The following SLC11A2 variants were observed in gnomAD, a reference collection of about 807,000 sequenced individuals.
SLC11A2 encodes solute carrier family 11 member 2, also known as natural resistance-associated macrophage protein 2.
Under a neutral mutation model 68.0 loss-of-function variants are expected in SLC11A2, and 38 were observed. The observed-to-expected ratio is 0.56, with a 90% CI of 0.43 to 0.73. The LOEUF (loss-of-function observed/expected upper bound fraction) is 0.73. Ranked by LOEUF, SLC11A2 falls within the 30% of genes least tolerant of loss-of-function variation. The pLI is 0.00. For synonymous variants in SLC11A2, 242 were observed against 250.6 expected, an observed-to-expected ratio of 0.97 and a Z score of 0.32; for missense variants, 517 against 690.5, an observed-to-expected ratio of 0.75 and a Z score of 2.82.
At position 50,992,887 on chromosome 12, in the gene SLC11A2, T is replaced by C. The variant is rs1424852559; in HGVS notation, c.1120A>G (p.Ile374Val). ...GCYFGPAALY[I>V]WAVGILAAGQ... ...GCAGCCAGGATCCCCACTGCCCAAA[T>C]GTAGAGTGCAGCAGGCCCAAAGTAA... is the stretch of plus-strand genomic sequence containing the variant. The change falls in exon 12 of 16, where the codon ATT (isoleucine) becomes GTT (valine). Residue 374 changes from isoleucine to valine, a missense_variant. Ile to Val is a conservative substitution (Grantham distance 29). Coordinates refer to ENST00000262052, the MANE Select transcript of SLC11A2 (RefSeq NM_000617.3). 2 of 1,613,900 alleles carry C rather than the reference T, an allele frequency of 1.2e-6. No homozygotes were observed. Among genetic ancestry groups the C allele is most frequent in the South Asian group, 1.1e-5 (1 of 91,062 alleles).
chr12:51,006,684 C>T (rs187934949), intron 3 of SLC11A2, among the ~76,000 whole-genome samples: 130 of 152,306 alleles, frequency 8.5e-4, no homozygotes, highest in African/African-American at 3.0e-3. Flanking sequence ...TTGGTCTTCA[C>T]AACCCCTCAT....
At position 51,026,219 on chromosome 12, in the gene SLC11A2, C is replaced by G. The variant is rs1041583596; in HGVS notation, c.-39+91G>C. Reference sequence around the variant, plus strand: ...CCGGTGTCGCATCCTAGCCCCGGAGCCTGACCCCCGACACAGGCCCTCGAG... The same window carrying G: ...CCGGTGTCGCATCCTAGCCCCGGAGGCTGACCCCCGACACAGGCCCTCGAG... On this transcript the variant is annotated intron_variant, in intron 1 of 15. Coordinates refer to ENST00000262052, the MANE Select transcript of SLC11A2 (RefSeq NM_000617.3). 600 of 1,216,758 alleles carry G rather than the reference C, an allele frequency of 4.9e-4. 5 individuals are homozygous for G. Among genetic ancestry groups the G allele is most frequent in the Admixed American group, 1.8e-4 (6 of 33,674 alleles). The allele number at this position is 1,216,758 out of a possible 1,614,324, so 75.4% of individuals were successfully genotyped here.
chr12:51,008,233 GAT>G, intron 3 of SLC11A2: 3 of 344,876 alleles, frequency 8.7e-6, no homozygotes, highest in East Asian at 5.7e-5. Flanking sequence ...CAGATAGATA[GAT>G]AGATAGATAG....
rs181714386 is a variant in SLC11A2 at position 51,014,809 on chromosome 12, T to C, written c.-38-4043A>G. 2.2e-4 allele frequency among the ~76,000 whole-genome samples: 33 copies of C among 151,972 alleles called. 1 individual carries two copies. Among genetic ancestry groups the C allele is most frequent in the Admixed American group, 2.2e-3 (33 of 15,246 alleles). ...TAGAGGTTGCAGTGAGCCGAGATCA[T>C]GCCACTGAACTCCAGCCTGGGCGAC... On this transcript the variant is annotated intron_variant, in intron 1 of 15. Coordinates refer to ENST00000262052, the MANE Select transcript of SLC11A2 (RefSeq NM_000617.3).
chr12:51,016,089 A>G (rs1424698600), intron 1 of SLC11A2, among the ~76,000 whole-genome samples: 1 of 151,852 alleles, frequency 6.6e-6, no homozygotes, highest in African/African-American at 2.4e-5. Context: ...AGCCTATTTT[A>G]TCCCATTCTC....
Position 50,986,121 on chromosome 12 carries a change from T to C in SLC11A2, c.*2204A>G. 7.8e-7 allele frequency: 1 copy of C among 1,286,598 alleles called. No individual in the cohort carries two copies. Among genetic ancestry groups the C allele is most frequent in the Non-Finnish European group, 1.0e-6 (1 of 988,158 alleles). The allele number at this position is 1,286,598 out of a possible 1,614,324, so 79.7% of individuals were successfully genotyped here. A position where few individuals can be genotyped will look rare whatever the true frequency, so the allele number is the denominator to read the frequency against. The stretch of plus-strand genomic sequence containing the variant: ...AAGGGAGCCAAGAGCTCTTCCCTTT[T>C]CCCCTGTTAATTTCCAGTATAATGT... On this transcript the variant is annotated 3_prime_UTR_variant, in exon 16 of 16. Transcript: ENST00000262052.
At chr12:50,954,583 G>A in the SLC11A2 span, among the ~76,000 whole-genome samples, 3 of 151,950 alleles carry the variant, frequency 2.0e-5, no homozygotes, top group Non-Finnish European at 2.9e-5. Flanking sequence ...CTTCTAGGCC[G>A]GGCACGGTGG....
intron 5 of SLC11A2, among the ~76,000 whole-genome samples, chr12:51,002,367 A>C (rs1414625030): frequency 6.6e-6 from 1 of 152,068 alleles, no homozygotes; most frequent in Admixed American, 6.6e-5. Flanking sequence ...GGCCAGGCAC[A>C]GTATCTCACA....
At chr12:51,000,458 T>A (rs752663034) in intron 5 of SLC11A2, 39 bp from the exon 6 acceptor site, 1 of 1,496,016 alleles carries the variant, frequency 6.7e-7, no homozygotes, top group South Asian at 1.1e-5. Context: ...TTCTGATTAA[T>A]CATTTCTAAA....
Position 51,008,573 on chromosome 12 carries a change from G to A in SLC11A2, c.86C>T (p.Pro29Leu). ...TGAAAGAGAGGGATTACTATAGGCA[G>A]GGTTGATGTTACCAAGACTGGCAGA... ...GESASLGNIN[P>L]AYSNPSLSQS... Residue 29 changes from proline (P) to leucine (L), a missense_variant, in exon 3 of 16, where the codon CCT (proline) becomes CTT (leucine). Pro to Leu is a moderately conservative substitution (Grantham distance 98). Coordinates refer to ENST00000262052, the MANE Select transcript of SLC11A2 (RefSeq NM_000617.3). 1 of 1,612,314 alleles carries A rather than the reference G, an allele frequency of 6.2e-7. No homozygotes were observed. Among genetic ancestry groups the A allele is most frequent in the Non-Finnish European group, 8.5e-7 (1 of 1,178,446 alleles).
intron 15 of SLC11A2, 92 bp downstream of exon 15, chr12:50,990,703 C>T: frequency 7.3e-7 from 1 of 1,361,806 alleles, no homozygotes; most frequent in Non-Finnish European, 1.0e-6. Flanking sequence ...AGCCACTGTG[C>T]CCAGCCTGGG....
At chr12:50,957,062 T>C in the SLC11A2 span, among the ~76,000 whole-genome samples, 1 of 152,020 alleles carries the variant, frequency 6.6e-6, no homozygotes, top group African/African-American at 2.4e-5. Flanking sequence ...GTGTATAAAA[T>C]ATACATGTAA....
the SLC11A2 span, among the ~76,000 whole-genome samples, chr12:50,958,847 T>G: frequency 6.6e-6 from 1 of 151,266 alleles, no homozygotes; most frequent in Non-Finnish European, 1.5e-5. Context: ...CGAGACATCA[T>G]CTCTACTAAA....
intron 11 of SLC11A2, among the ~76,000 whole-genome samples, chr12:50,993,566 C>T (rs1421688279): frequency 6.6e-6 from 1 of 151,308 alleles, no homozygotes; most frequent in East Asian, 2.0e-4. Context: ...TGGCTCACAC[C>T]TGTAATCCCA....
downstream of SLC11A2, among the ~76,000 whole-genome samples, chr12:50,978,871 A>G (rs1215651869): frequency 6.6e-6 from 1 of 152,162 alleles, no homozygotes; most frequent in East Asian, 1.9e-4. Flanking sequence ...TACTAAAACC[A>G]CTGCCTCTGT....
At chr12:50,968,547 C>A in the SLC11A2 span, among the ~76,000 whole-genome samples, 1 of 151,678 alleles carries the variant, frequency 6.6e-6, no homozygotes, top group Non-Finnish European at 1.5e-5. Context: ...CCACCATGCC[C>A]AGCTAATTTT....
intron 10 of SLC11A2, chr12:50,994,954 T>A (rs1011370727): frequency 4.6e-5 from 16 of 347,504 alleles, no homozygotes; most frequent in Non-Finnish European, 5.5e-5. Context: ...CAGAATAGAA[T>A]CCTCAGTCAA....
chr12:50,992,535 T>C (rs1592324738), intron 12 of SLC11A2, among the ~76,000 whole-genome samples, 196 bp from the exon 13 acceptor site: 1 of 151,702 alleles, frequency 6.6e-6, no homozygotes, highest in South Asian at 2.1e-4. Context: ...GTTCAAGACC[T>C]GCCTGGCCAA....
In SLC11A2 at chr12:50,987,467, G is replaced by C; in HGVS notation, c.*858C>G. 14 of 1,287,158 alleles carry C rather than the reference G, an allele frequency of 1.1e-5. No individual in the cohort carries two copies. The highest frequency in any genetic ancestry group is 1.4e-5 in the Non-Finnish European group (14 of 988,674). The allele number at this position is 1,287,158 out of a possible 1,614,324, so 79.7% of individuals were successfully genotyped here. On this transcript the variant is annotated 3_prime_UTR_variant, in exon 16 of 16. Transcript: ENST00000262052. The stretch of plus-strand genomic sequence containing the variant: ...CCCTCAACATTTCACGAGAACATCA[G>C]TTCATAAATACTACCATCTGTTTCT...
Sources: allele counts gnomAD v4.1 joint callset (sites outside exome capture counted in the v4.1 genomes callset), GRCh38; gene constraint gnomAD v4.1.1; transcripts MANE v1.5; gene names NCBI Gene and HGNC (gene_info 2026-07-23, HGNC 2026-07-21).